RAF1: variants seen among roughly 807,000 people sequenced by gnomAD.
RAF1 encodes the protein Raf-1 proto-oncogene, serine/threonine kinase.
In RAF1, 27 loss-of-function variants were observed where a neutral mutation model predicts 81.1. The ratio of observed to expected loss-of-function variants is 0.33; its 90% CI spans 0.25 to 0.46. The LOEUF (loss-of-function observed/expected upper bound fraction) is 0.46. RAF1 is among the 20% of genes least tolerant of loss of function. The pLI, the probability that RAF1 is intolerant of heterozygous loss-of-function variation, is 1.00. For synonymous variants in RAF1, 298 were observed against 294.0 expected, an observed-to-expected ratio of 1.01 and a Z score of -0.14; for missense variants, 598 against 826.0, an observed-to-expected ratio of 0.72 and a Z score of 3.38.
intron 1 of RAF1, among the ~76,000 whole-genome samples, chr3:12,619,900 G>C (rs1471032772): frequency 6.6e-6 from 1 of 151,974 alleles, no homozygotes; most frequent in Middle Eastern, 3.4e-3. Context: ...AGCTAACACA[G>C]GGATACCCTG....
At chr3:12,600,479 A>G (rs1482371215) in intron 8 of RAF1, 64 bp from the exon 8 acceptor site, 4 of 1,566,320 alleles carry the variant, frequency 2.6e-6, no homozygotes, top group Middle Eastern at 1.7e-4. Context: ...GGGGAGGGAA[A>G]AAAGAGGAGG....
intron 15 of RAF1, 122 bp downstream of exon 14, chr3:12,585,559 G>T: frequency 7.6e-7 from 1 of 1,321,802 alleles, no homozygotes; most frequent in Non-Finnish European, 1.1e-6. Context: ...GAGGCTGGCT[G>T]TCACTAGGGG....
At position 12,584,626 on chromosome 3, in the gene RAF1, G is replaced by C. The variant is rs1319525639; in HGVS notation, c.1895C>G (p.Ser632Cys). Residue 632 changes from serine to cysteine, a missense_variant, in exon 18 of 18, where the codon TCT (serine) becomes TGT (cysteine). By Grantham distance (112) the Ser-to-Cys change is moderately radical (BLOSUM62 -1). Transcript: ENST00000442415. ...AGCGCTCCGGTTGATCTTCGGTAGA[G>C]AGTGTTGGAGCAGCTCAATGGAAGA... The C allele has an allele frequency of 5.6e-6, 9 of 1,613,952 alleles. No homozygotes were observed. Among genetic ancestry groups the C allele is most frequent in the Non-Finnish European group, 7.6e-6 (9 of 1,179,960 alleles).
intron 2 of RAF1, among the ~76,000 whole-genome samples, chr3:12,613,481 T>A (rs988074288): frequency 2.3e-5 from 3 of 131,334 alleles, no homozygotes; most frequent in African/African-American, 8.5e-5. Context: ...CCTATGTGGG[T>A]ACACGGGGAG....
intron 1 of RAF1, among the ~76,000 whole-genome samples, chr3:12,632,886 G>A (rs2125502281): frequency 6.6e-6 from 1 of 152,308 alleles, no homozygotes; most frequent in South Asian, 2.1e-4. Context: ...TCCTGGAGAA[G>A]GTAAATTAGA....
At chr3:12,620,616 G>A (rs1484885488) in intron 1 of RAF1, among the ~76,000 whole-genome samples, 6 of 151,932 alleles carry the variant, frequency 3.9e-5, no homozygotes, top group Admixed American at 3.3e-4. Context: ...GACCACAGAC[G>A]TGCATCACCA....
At chr3:12,596,124 C>CA (rs796742190) in intron 11 of RAF1, among the ~76,000 whole-genome samples, 1 of 151,610 alleles carries the variant, frequency 6.6e-6, no homozygotes, top group East Asian at 2.0e-4. Flanking sequence ...CCTCCCAACT[C>CA]AGCCTCCCAA....
At chr3:12,626,037 A>C (rs958233289) in intron 1 of RAF1, among the ~76,000 whole-genome samples, 1 of 151,728 alleles carries the variant, frequency 6.6e-6, no homozygotes, top group Non-Finnish European at 1.5e-5. Context: ...AGGCTGAGAC[A>C]GGCAGATCAC....
chr3:12,616,059 TA>T (rs1368146352), intron 2 of RAF1, among the ~76,000 whole-genome samples: 1 of 151,518 alleles, frequency 6.6e-6, no homozygotes, highest in Non-Finnish European at 1.5e-5. Context: ...CTAAAAAAAA[TA>T]CATATAATAA....
chr3:12,618,609 T>C lies in RAF1; in HGVS notation c.113A>G (p.Tyr38Cys), dbSNP rs576041742. ...GCCATCATCTGATGCCCGGCGCTGA[T>C]AGCCAAACTGCTGAACTATTGTAGG... Residue 38 changes from tyrosine to cysteine, a missense_variant, in exon 2 of 18, where the codon TAT (tyrosine) becomes TGT (cysteine). Tyr to Cys is a radical substitution (Grantham distance 194). Transcript: ENST00000442415. The C allele has an allele frequency of 4.3e-6, 7 of 1,614,100 alleles. No homozygotes were observed. Among genetic ancestry groups the C allele is most frequent in the African/African-American group, 2.7e-5 (2 of 74,932 alleles).
intron 1 of RAF1, among the ~76,000 whole-genome samples, chr3:12,629,810 C>A (rs1575621009): frequency 6.6e-6 from 1 of 152,088 alleles, no homozygotes; most frequent in East Asian, 1.9e-4. Context: ...AAGGCATGAC[C>A]GGTCTGGGTC....
intron 13 of RAF1, chr3:12,589,153 C>G (rs1262434893): frequency 6.5e-6 from 1 of 152,874 alleles, no homozygotes; most frequent in Middle Eastern, 3.4e-3. Flanking sequence ...AATTACCCAC[C>G]CTTAGGTCTT....
intron 8 of RAF1, among the ~76,000 whole-genome samples, chr3:12,601,553 T>C (rs2058862619): frequency 6.6e-6 from 1 of 152,148 alleles, no homozygotes. Context: ...AGGACATTTT[T>C]TGGGGGGAAG....
chr3:12,616,543 C>T (rs2059373818), intron 2 of RAF1, among the ~76,000 whole-genome samples: 2 of 152,188 alleles, frequency 1.3e-5, no homozygotes, highest in Admixed American at 6.5e-5. Flanking sequence ...TAAACTTACT[C>T]AAACTTTAAT....
intron 1 of RAF1, among the ~76,000 whole-genome samples, chr3:12,648,852 C>T (rs1339229729): frequency 1.3e-5 from 2 of 152,212 alleles, no homozygotes; most frequent in African/African-American, 2.4e-5. Flanking sequence ...CGGTGGCTCA[C>T]GCCTGTAATC....
chr3:12,660,023 T>C (rs796234677), intron 1 of RAF1, among the ~76,000 whole-genome samples: 7 of 152,318 alleles, frequency 4.6e-5, no homozygotes, highest in African/African-American at 1.7e-4. Context: ...TTATCAATTA[T>C]ATTTTTTATT....
chr3:12,585,455 G>A (rs1055357589), intron 15 of RAF1: 2 of 984,468 alleles, frequency 2.0e-6, no homozygotes, highest in African/African-American at 1.7e-5. Flanking sequence ...CCAAGACCCA[G>A]CATTTCTGTC....
intron 1 of RAF1, among the ~76,000 whole-genome samples, chr3:12,661,831 A>G (rs1175844526): frequency 6.6e-6 from 1 of 152,108 alleles, no homozygotes; most frequent in Admixed American, 6.6e-5. Context: ...CCAGGAATAT[A>G]TGAGTTCAAT....
intron 1 of RAF1, among the ~76,000 whole-genome samples, chr3:12,657,853 A>C (rs111304985): frequency 2.7e-5 from 4 of 147,192 alleles, no homozygotes; most frequent in African/African-American, 1.0e-4. Flanking sequence ...CACTTTTATC[A>C]CCCAAAAAAA....
Sources: gnomAD v4.1 joint callset for allele counts (sites outside exome capture counted in the v4.1 genomes callset) on GRCh38, gnomAD v4.1.1 for gene constraint, MANE v1.5 for transcripts, NCBI Gene and HGNC (gene_info 2026-07-23, HGNC 2026-07-21) for gene names.